TIMMDC1: variants seen among roughly 807,000 people sequenced by gnomAD.
TIMMDC1 encodes the protein complex I assembly factor TIMMDC1, mitochondrial.
In TIMMDC1, 25 loss-of-function variants were observed where a neutral mutation model predicts 32.6. The ratio of observed to expected loss-of-function variants is 0.77; its 90% CI spans 0.56 to 1.07. The LOEUF (loss-of-function observed/expected upper bound fraction) is 1.07. Ranked by LOEUF, TIMMDC1 falls within the 50% of genes least tolerant of loss-of-function variation. The probability of loss-of-function intolerance (pLI) is 0.00; values close to 1 mark genes in which losing one functional copy is unlikely to be tolerated. For missense variants in TIMMDC1, 329 were observed against 349.2 expected (o/e 0.94, Z 0.46); for synonymous variants, 130 against 127.6 (o/e 1.02, Z -0.13).
At position 119,524,340 on chromosome 3, in the gene TIMMDC1, C is replaced by G. The variant is rs564384116; in HGVS notation, c.*584C>G. 6.6e-6 allele frequency: 1 copy of G among 152,320 alleles called. No homozygotes were observed. The highest frequency in any genetic ancestry group is 2.1e-4 in the South Asian group (1 of 4,826). The allele number at this position is 152,320 out of a possible 1,614,324, so 9.4% of individuals were successfully genotyped here. A position where few individuals can be genotyped will look rare whatever the true frequency, so the allele number is the denominator to read the frequency against. On this transcript the variant is annotated 3_prime_UTR_variant, in exon 7 of 7. Coordinates refer to ENST00000494664, the MANE Select transcript of TIMMDC1 (RefSeq NM_016589.4). ...TTGTTTCTTCCCTTAGTATTGCTGA[C>G]AAAGTATCTGCTGTAGAATACAGGA...
chr3:119,524,276 CAAA>C lies in TIMMDC1; in HGVS notation c.*523_*525del, dbSNP rs1171273177. ...CACTTGAAATAAAATACAAATTCAA[CAAA>C]AAGTAGATCAGCATTATTAAAGAAA... On this transcript the variant is annotated 3_prime_UTR_variant, in exon 7 of 7. Transcript: ENST00000494664. 6.6e-6 allele frequency: 1 copy of C among 152,152 alleles called. No homozygotes were observed. The highest frequency in any genetic ancestry group is 1.9e-4 in the East Asian group (1 of 5,196). The allele number at this position is 152,152 out of a possible 1,614,324, so 9.4% of individuals were successfully genotyped here. A position where few individuals can be genotyped will look rare whatever the true frequency, so the allele number is the denominator to read the frequency against.
In TIMMDC1 at chr3:119,524,905, T is replaced by C. The variant is rs1233138468; in HGVS notation, c.*1149T>C. ...TAGACATTTGAAGATAGCTTACTGCTTAGTACATACACTGTAAACAACGAT... is the reference window on the plus strand; with the variant it reads ...TAGACATTTGAAGATAGCTTACTGCCTAGTACATACACTGTAAACAACGAT... On this transcript the variant is annotated 3_prime_UTR_variant, in exon 7 of 7. Transcript: ENST00000494664. The C allele has an allele frequency of 6.6e-6, 1 of 152,202 alleles. No homozygotes were observed. Among genetic ancestry groups the C allele is most frequent in the Admixed American group, 6.5e-5 (1 of 15,276 alleles). The allele number at this position is 152,202 out of a possible 1,614,324, so 9.4% of individuals were successfully genotyped here.
intron 2 of TIMMDC1, among the ~76,000 whole-genome samples, chr3:119,501,087 G>A (rs2293370): frequency 0.19 from 28,165 of 152,190 alleles, 2,715 homozygotes; most frequent in East Asian, 0.33. Flanking sequence ...CATCACCACT[G>A]TGGCTTTTCT....
chr3:119,519,088 G>A (rs1447783131), intron 6 of TIMMDC1, among the ~76,000 whole-genome samples: 1 of 151,718 alleles, frequency 6.6e-6, no homozygotes, highest in Admixed American at 6.6e-5. Context: ...TTATGGAAAC[G>A]TGAAAGAATA....
At chr3:119,509,743 T>C (rs2081941422) in intron 4 of TIMMDC1, among the ~76,000 whole-genome samples, 1 of 151,124 alleles carries the variant, frequency 6.6e-6, no homozygotes, top group South Asian at 2.1e-4. Flanking sequence ...TGGAGTGCAG[T>C]GGTGCGATCT....
chr3:119,514,415 TGAA>T (rs1278935295), intron 5 of TIMMDC1, among the ~76,000 whole-genome samples: 1 of 152,206 alleles, frequency 6.6e-6, no homozygotes, highest in Non-Finnish European at 1.5e-5. Flanking sequence ...TCTCCCAGGA[TGAA>T]GAATACTCTT....
chr3:119,501,601 A>AGAC (rs2081876462), intron 2 of TIMMDC1, among the ~76,000 whole-genome samples: 1 of 152,218 alleles, frequency 6.6e-6, no homozygotes, highest in South Asian at 2.1e-4. Flanking sequence ...TCTTATTTAA[A>AGAC]GACCTGTAAA....
chr3:119,514,830 T>C (rs1405941412), intron 5 of TIMMDC1, among the ~76,000 whole-genome samples: 1 of 152,172 alleles, frequency 6.6e-6, no homozygotes, highest in African/African-American at 2.4e-5. Context: ...TTGGCCGGGC[T>C]AGGCTCTTAC....
intron 5 of TIMMDC1, among the ~76,000 whole-genome samples, chr3:119,515,259 G>A (rs2081978464): frequency 6.6e-6 from 1 of 151,116 alleles, no homozygotes; most frequent in Admixed American, 6.6e-5. Flanking sequence ...ACTTCCTTGT[G>A]CCTTGAGGTC....
At chr3:119,500,455 G>GAA (rs547435201) in intron 1 of TIMMDC1, 316 of 403,358 alleles carry the variant, frequency 7.8e-4, no homozygotes, top group African/African-American at 6.2e-3. Flanking sequence ...CTCCCCTTGT[G>GAA]CCTTTTCCGG....
At chr3:119,517,421 A>C in intron 6 of TIMMDC1, 106 bp downstream of exon 6, 1 of 688,728 alleles carries the variant, frequency 1.5e-6, no homozygotes. Flanking sequence ...CAATTCAAAG[A>C]AGAGTTTATT....
intron 4 of TIMMDC1, among the ~76,000 whole-genome samples, chr3:119,507,665 T>C (rs1221478602): frequency 6.6e-6 from 1 of 152,220 alleles, no homozygotes; most frequent in Non-Finnish European, 1.5e-5. Context: ...GCTTACTCTC[T>C]TAGTTTTACT....
chr3:119,523,329 C>T (rs1285066808), intron 6 of TIMMDC1, among the ~76,000 whole-genome samples: 1 of 152,150 alleles, frequency 6.6e-6, no homozygotes, highest in Non-Finnish European at 1.5e-5. Context: ...CACATCACTC[C>T]TGTGAGAACT....
At chr3:119,507,161 C>T (rs2081923643) in intron 4 of TIMMDC1, among the ~76,000 whole-genome samples, 1 of 152,140 alleles carries the variant, frequency 6.6e-6, no homozygotes, top group East Asian at 1.9e-4. Flanking sequence ...CTTTCTGGAT[C>T]TGTGGTTTGT....
At chr3:119,503,706 C>A in intron 3 of TIMMDC1, 86 bp downstream of exon 3, 1 of 1,066,836 alleles carries the variant, frequency 9.4e-7, no homozygotes, top group Non-Finnish European at 1.3e-6. Context: ...GTTATGAAAA[C>A]TGAATACCCA....
chr3:119,515,121 C>A (rs1466196626), intron 5 of TIMMDC1, among the ~76,000 whole-genome samples: 1 of 151,154 alleles, frequency 6.6e-6, no homozygotes, highest in Admixed American at 6.6e-5. Flanking sequence ...ACCCCATATA[C>A]CCTTCACCTA....
chr3:119,502,964 T>G (rs1209209841), intron 2 of TIMMDC1, among the ~76,000 whole-genome samples: 2 of 152,246 alleles, frequency 1.3e-5, no homozygotes, highest in African/African-American at 2.4e-5. Flanking sequence ...TTGGTTAGTA[T>G]TATGCTCTAA....
intron 4 of TIMMDC1, among the ~76,000 whole-genome samples, chr3:119,512,403 T>C (rs377135166): frequency 2.2e-4 from 33 of 152,122 alleles, no homozygotes; most frequent in African/African-American, 7.7e-4. Flanking sequence ...CTCAGCCTCC[T>C]GAGTAGCTAG....
Position 119,500,808 on chromosome 3 carries a change from A to C in TIMMDC1, c.308A>C (p.Gln103Pro). 1.2e-6 allele frequency: 2 copies of C among 1,614,146 alleles called. No homozygotes were observed. Among genetic ancestry groups the C allele is most frequent in the Non-Finnish European group, 1.7e-6 (2 of 1,179,998 alleles). ...CCAGCTTTTATTCATGCTAAACAAC[A>C]ATACATTGAGCAGAGCCAGGCAGAA... ...GIPAFIHAKQ[Q>P]YIEQSQAEIY... is the part of the protein sequence containing the mutation. Residue 103 changes from glutamine to proline, a missense_variant, in exon 2 of 7, where the codon CAA (glutamine) becomes CCA (proline). Physicochemically the swap from Gln to Pro is moderately conservative, Grantham distance 76. Coordinates refer to ENST00000494664, the MANE Select transcript of TIMMDC1 (RefSeq NM_016589.4).
Sources: allele counts gnomAD v4.1 joint callset (sites outside exome capture counted in the v4.1 genomes callset), GRCh38; gene constraint gnomAD v4.1.1; transcripts MANE v1.5; gene names NCBI Gene and HGNC (gene_info 2026-07-23, HGNC 2026-07-21).